The following PC variants were observed in gnomAD, a reference collection of about 807,000 sequenced individuals.
The protein encoded by PC is pyruvate carboxylase, also known as pyruvate carboxylase, mitochondrial.
PC carries 46 observed loss-of-function variants against 107.8 expected under a neutral mutation model. The observed-to-expected ratio is 0.43, with a 90% CI of 0.34 to 0.55. PC has a LOEUF of 0.55. PC is among the 20% of genes least tolerant of loss of function. The probability of loss-of-function intolerance (pLI) is 0.04; values close to 1 mark genes in which losing one functional copy is unlikely to be tolerated. For missense variants in PC, 1,241 were observed against 1,643.1 expected (o/e 0.76, Z 4.23); for synonymous variants, 662 against 684.7 (o/e 0.97, Z 0.52).
At position 66,850,707 on chromosome 11, in the gene PC, C is replaced by T; in HGVS notation, c.2440G>A (p.Val814Met). 4.3e-6 allele frequency: 7 copies of T among 1,611,086 alleles called. No individual in the cohort carries two copies. Among genetic ancestry groups the T allele is most frequent in the Non-Finnish European group, 5.9e-6 (7 of 1,179,868 alleles). ...AGGGGAGTCCCTCTGGTACAGGCCA[C>T]CAGGGCCCCCATGCTGGGCTGTGAA... ...MTSQPSMGAL[V>M]ACTRGTPLDT... Residue 814 changes from valine to methionine, a missense_variant, in exon 18 of 23, where the codon GTG (valine) becomes ATG (methionine). Val to Met is a conservative substitution (Grantham distance 21). Around this residue, in one of 2 missense-constraint regions of PC, gnomAD observed 1,143 missense variants for 1,551.9 expected, o/e 0.74. Transcript: ENST00000393960.
At chr11:66,868,782 C>T (rs897986797) in intron 10 of PC, 64 bp downstream of exon 10, 331 of 1,327,474 alleles carry the variant, frequency 2.5e-4, no homozygotes, top group Middle Eastern at 3.6e-4. Flanking sequence ...GGAGCCACTT[C>T]GCCTGTACTT....
At chr11:66,851,761 A>G in intron 16 of PC, 29 bp downstream of exon 16, 1 of 1,610,858 alleles carries the variant, frequency 6.2e-7, no homozygotes, top group Non-Finnish European at 8.5e-7. Flanking sequence ...CACACCAGGT[A>G]GCGTCTGCCC....
At chr11:66,914,502 A>C (rs1644674838) in intron 3 of PC, among the ~76,000 whole-genome samples, 1 of 133,392 alleles carries the variant, frequency 7.5e-6, no homozygotes, top group Non-Finnish European at 1.6e-5. Context: ...CAAGGGTGAA[A>C]CTCTGTCTCA....
chr11:66,888,988 C>T (rs560605145), intron 3 of PC, among the ~76,000 whole-genome samples: 7 of 152,234 alleles, frequency 4.6e-5, no homozygotes, highest in Non-Finnish European at 7.4e-5. Context: ...GCAGGAGAAT[C>T]GCTTGAACCC....
intron 3 of PC, 118 bp from the exon 4 acceptor site, chr11:66,872,277 T>C: frequency 8.3e-7 from 1 of 1,204,572 alleles, no homozygotes. Flanking sequence ...ACCATCTACC[T>C]CCTGATGCCT....
At position 66,852,844 on chromosome 11, in the gene PC, G is replaced by A. The variant is rs779743894; in HGVS notation, c.1514-8C>T. ...CGTTTACCATGACATGGCCTGGGGA[G>A]AAAGCGGGCAGTGGGTCAGGGTGGG... is the stretch of plus-strand genomic sequence containing the variant. On this transcript the variant is annotated splice_polypyrimidine_tract_variant and splice_region_variant and intron_variant, in intron 13 of 22. Coordinates refer to ENST00000393960, the MANE Select transcript of PC (RefSeq NM_001040716.2). This position sits in a 1 kb window ranked among gnomAD's most constrained non-coding sequence, Gnocchi z 4.7. 1 of 1,555,062 alleles carries A rather than the reference G, an allele frequency of 6.4e-7. No individual in the cohort carries two copies. Among genetic ancestry groups the A allele is most frequent in the Non-Finnish European group, 8.7e-7 (1 of 1,146,020 alleles).
chr11:66,903,895 T>C (rs1948066886), intron 3 of PC, among the ~76,000 whole-genome samples: 1 of 143,248 alleles, frequency 7.0e-6, no homozygotes, highest in Admixed American at 7.0e-5. Flanking sequence ...CGGCACGATC[T>C]CAGCTCACTG....
intron 9 of PC, among the ~76,000 whole-genome samples, chr11:66,869,185 G>A (rs1418892833): frequency 1.3e-5 from 2 of 152,048 alleles, no homozygotes; most frequent in Admixed American, 1.3e-4. Flanking sequence ...AGGGTTCCCG[G>A]AGCCACAGAT....
intron 3 of PC, among the ~76,000 whole-genome samples, chr11:66,878,477 G>T (rs1012425589): frequency 1.3e-5 from 2 of 152,224 alleles, no homozygotes; most frequent in Admixed American, 1.3e-4. Flanking sequence ...CCCACAGCGT[G>T]GCCACCAAGT....
At chr11:66,893,357 T>TGAGG (rs2136018320) in intron 3 of PC, among the ~76,000 whole-genome samples, 1 of 152,108 alleles carries the variant, frequency 6.6e-6, no homozygotes, top group African/African-American at 2.4e-5. Context: ...AGACGGGGAG[T>TGAGG]GAGGGGAGCA....
chr11:66,920,728 T>G (rs996675281), intron 3 of PC, among the ~76,000 whole-genome samples: 1 of 151,994 alleles, frequency 6.6e-6, no homozygotes, highest in Non-Finnish European at 1.5e-5. Context: ...TGGATGCAAA[T>G]GTAACATGTT....
chr11:66,882,798 C>T (rs116335434), intron 3 of PC, among the ~76,000 whole-genome samples: 1,779 of 152,254 alleles, frequency 0.012, 34 homozygotes, highest in African/African-American at 0.039. Flanking sequence ...TAAACATGTC[C>T]GACGGGCCCC....
chr11:66,867,488 C>T (rs959902052), intron 10 of PC, among the ~76,000 whole-genome samples: 27 of 152,216 alleles, frequency 1.8e-4, no homozygotes, highest in Non-Finnish European at 1.8e-4. Context: ...TTGCTGCCTG[C>T]TGGCCCACTT....
rs1945912049 is a variant in PC, at chr11:66,857,215, G to A, written c.1369-3832C>T. Reference sequence around the variant, plus strand: ...CCGGTCATCCCCGGGCCTCGTCCCCGCGGGAGAGCGGCCAGGAGTCGGCGG... The same window carrying A: ...CCGGTCATCCCCGGGCCTCGTCCCCACGGGAGAGCGGCCAGGAGTCGGCGG... On this transcript the variant is annotated intron_variant, in intron 12 of 22. Coordinates refer to ENST00000393960, the MANE Select transcript of PC (RefSeq NM_001040716.2). This position sits in a 1 kb window ranked among gnomAD's most constrained non-coding sequence, Gnocchi z 7.1. 1 of 149,590 alleles carries A rather than the reference G, an allele frequency of 6.7e-6. No individual in the cohort carries two copies. Among genetic ancestry groups the A allele is most frequent in the Non-Finnish European group, 1.5e-5 (1 of 67,132 alleles). 9.3% of individuals were successfully genotyped at this position (149,590 alleles called of 1,614,324 possible).
intron 11 of PC, among the ~76,000 whole-genome samples, chr11:66,864,786 C>A (rs577661290): frequency 2.6e-4 from 40 of 152,198 alleles, no homozygotes; most frequent in African/African-American, 9.6e-4. Context: ...GCCGCCTGCA[C>A]CTGTTCGTGC....
intron 3 of PC, among the ~76,000 whole-genome samples, chr11:66,902,420 A>G (rs1476234402): frequency 6.6e-6 from 1 of 152,168 alleles, no homozygotes; most frequent in African/African-American, 2.4e-5. Context: ...GATCTCAATC[A>G]TCAGAGGGCT....
chr11:66,902,510 T>C (rs1947995219), intron 3 of PC, among the ~76,000 whole-genome samples: 1 of 152,192 alleles, frequency 6.6e-6, no homozygotes, highest in African/African-American at 2.4e-5. Flanking sequence ...CAAAGCCACG[T>C]AGACCCCTGT....
intron 3 of PC, among the ~76,000 whole-genome samples, chr11:66,879,422 G>T (rs1947106221): frequency 6.6e-6 from 1 of 152,244 alleles, no homozygotes; most frequent in Non-Finnish European, 1.5e-5. Context: ...AACAAAAGTA[G>T]TTGGGAGTGT....
chr11:66,885,589 TA>T (rs547631805), intron 3 of PC, among the ~76,000 whole-genome samples: 33 of 151,098 alleles, frequency 2.2e-4, no homozygotes, highest in Admixed American at 5.9e-4. Flanking sequence ...AGTGTCCTTA[TA>T]AAAAGGGGGA....
Sources: allele counts gnomAD v4.1 joint callset (sites outside exome capture counted in the v4.1 genomes callset), GRCh38; gene constraint gnomAD v4.1.1; regional missense constraint gnomAD v4.1.1; non-coding constraint Gnocchi (gnomAD v3.1); transcripts MANE v1.5; gene names NCBI Gene and HGNC (gene_info 2026-07-23, HGNC 2026-07-21).